Variants in RGS18 observed in about 807,000 individuals in gnomAD.
The protein encoded by RGS18 is regulator of G protein signaling 18, also known as regulator of G-protein signaling 18.
RGS18 carries 22 observed loss-of-function variants against 27.6 expected under a neutral mutation model. The ratio of observed to expected loss-of-function variants is 0.80; its 90% CI spans 0.57 to 1.14. The LOEUF is 1.14. Among genes scored for constraint, RGS18 ranks in the 50% most tolerant of loss-of-function variants. RGS18 has a pLI of 0.00. For missense variants in RGS18, 299 were observed against 269.6 expected (o/e 1.11, Z -0.76); for synonymous variants, 89 against 84.6 (o/e 1.05, Z -0.29).
At chr1:192,177,735 A>C (rs1656381173) in intron 3 of RGS18, among the ~76,000 whole-genome samples, 1 of 151,760 alleles carries the variant, frequency 6.6e-6, no homozygotes, top group Non-Finnish European at 1.5e-5. Flanking sequence ...TGGATTTAGA[A>C]TAGGAAGGGA....
intron 3 of RGS18, among the ~76,000 whole-genome samples, chr1:192,173,701 T>A (rs1444277834): frequency 6.6e-6 from 1 of 151,784 alleles, no homozygotes; most frequent in Non-Finnish European, 1.5e-5. Context: ...AATTTCCCTA[T>A]GCCATATAAA....
intron 3 of RGS18, among the ~76,000 whole-genome samples, chr1:192,161,699 T>C (rs1338716184): frequency 6.6e-6 from 1 of 152,174 alleles, no homozygotes; most frequent in Non-Finnish European, 1.5e-5. Context: ...CTACTCTAAC[T>C]ACTCCTTGTA....
intron 2 of RGS18, 68 bp downstream of exon 2, chr1:192,159,389 C>A: frequency 2.0e-6 from 2 of 1,021,376 alleles, no homozygotes; most frequent in Non-Finnish European, 3.0e-6. Flanking sequence ...AAGAAAAATG[C>A]AGTTAGGGAT....
chr1:192,172,739 C>A (rs1210166032), intron 3 of RGS18, among the ~76,000 whole-genome samples: 2 of 151,654 alleles, frequency 1.3e-5, no homozygotes, highest in Non-Finnish European at 2.9e-5. Context: ...TCTCCCCCAT[C>A]TCAACGTCCT....
At chr1:192,162,607 A>C (rs927216518) in intron 3 of RGS18, among the ~76,000 whole-genome samples, 1 of 152,124 alleles carries the variant, frequency 6.6e-6, no homozygotes. Context: ...TTTCTAAACT[A>C]TTGTTAAAAT....
intron 3 of RGS18, among the ~76,000 whole-genome samples, chr1:192,180,127 G>C (rs1402265526): frequency 6.6e-6 from 1 of 151,562 alleles, no homozygotes; most frequent in Non-Finnish European, 1.5e-5. Flanking sequence ...AAGTCACATT[G>C]TCTTAAGGTT....
In RGS18 at chr1:192,160,381, C is replaced by A. The variant is rs1656049334; in HGVS notation, c.225C>A (p.Val75=). ...RSGHLAKETR[V]SPEEAVKWGE... is the part of the protein sequence containing the mutation. ...AAACATTTTGTTTCTTGTACAGAGT[C>A]TCCCCTGAAGAGGCAGTGAAATGGG... Residue 75 remains valine, a synonymous_variant, in exon 3 of 5, where the codon GTC becomes GTA. Transcript: ENST00000367460. The A allele has an allele frequency of 6.2e-7, 1 of 1,609,182 alleles. No homozygotes were observed.
intron 3 of RGS18, among the ~76,000 whole-genome samples, chr1:192,177,716 A>G (rs1328182340): frequency 6.6e-6 from 1 of 151,758 alleles, no homozygotes; most frequent in Non-Finnish European, 1.5e-5. Flanking sequence ...GATTAATAAA[A>G]TTGCTTTATG....
Position 192,184,615 on chromosome 1 carries a change from T to G in RGS18, c.*61T>G. 6.8e-6 allele frequency: 10 copies of G among 1,468,660 alleles called. No individual in the cohort carries two copies. Among genetic ancestry groups the G allele is most frequent in the African/African-American group, 4.2e-5 (3 of 71,196 alleles). The allele number at this position is 1,468,660 out of a possible 1,614,324, so 91.0% of individuals were successfully genotyped here. A position where few individuals can be genotyped will look rare whatever the true frequency, so the allele number is the denominator to read the frequency against. ...ATACATCTGCTTCTAACATATCGCA[T>G]GTTTATGTTAAGATTTGGTCCCATC... On this transcript the variant is annotated 3_prime_UTR_variant, in exon 5 of 5. Coordinates refer to ENST00000367460, the MANE Select transcript of RGS18 (RefSeq NM_130782.3).
At chr1:192,181,573 T>C in intron 4 of RGS18, 115 bp downstream of exon 4, 1 of 690,942 alleles carries the variant, frequency 1.4e-6, no homozygotes, top group East Asian at 3.4e-5. Context: ...TCATTTATAA[T>C]TGACATGTAA....
intron 3 of RGS18, among the ~76,000 whole-genome samples, chr1:192,176,098 C>T (rs1656353604): frequency 6.6e-6 from 1 of 151,768 alleles, no homozygotes; most frequent in South Asian, 2.1e-4. Flanking sequence ...CAAAGAAGAT[C>T]CTATTTTGGG....
chr1:192,158,470 A>C lies in RGS18; in HGVS notation c.-168A>C. On this transcript the variant is annotated 5_prime_UTR_variant, in exon 1 of 5. Coordinates refer to ENST00000367460, the MANE Select transcript of RGS18 (RefSeq NM_130782.3). ...TTGTACTTCATTTCCTCAGTTCTGCATTTCTGCAGAGACAGAAAGAAACGC... is the reference window on the plus strand; with the variant it reads ...TTGTACTTCATTTCCTCAGTTCTGCCTTTCTGCAGAGACAGAAAGAAACGC... 1.9e-6 allele frequency: 1 copy of C among 521,758 alleles called. No individual in the cohort carries two copies. Among genetic ancestry groups the C allele is most frequent in the Non-Finnish European group, 3.0e-6 (1 of 335,556 alleles). 32.3% of individuals were successfully genotyped at this position (521,758 alleles called of 1,614,324 possible). A position where few individuals can be genotyped will look rare whatever the true frequency, so the allele number is the denominator to read the frequency against.
At chr1:192,177,152 A>G (rs1003449187) in intron 3 of RGS18, among the ~76,000 whole-genome samples, 9 of 151,842 alleles carry the variant, frequency 5.9e-5, no homozygotes, top group Non-Finnish European at 1.2e-4. Context: ...AAACTAGAAT[A>G]TTAATTAAAT....
chr1:192,184,244 G>A (rs763953426), intron 4 of RGS18, 53 bp from the exon 5 acceptor site: 2 of 1,524,686 alleles, frequency 1.3e-6, no homozygotes, highest in Non-Finnish European at 1.8e-6. Context: ...GTTTCTCAAA[G>A]TTGTTTATAT....
At chr1:192,173,683 T>C (rs1018439002) in intron 3 of RGS18, among the ~76,000 whole-genome samples, 2 of 151,820 alleles carry the variant, frequency 1.3e-5, no homozygotes, top group African/African-American at 4.8e-5. Flanking sequence ...TTTATTGTTT[T>C]TTTAAACAAT....
At chr1:192,174,361 G>T (rs1656320704) in intron 3 of RGS18, among the ~76,000 whole-genome samples, 1 of 151,772 alleles carries the variant, frequency 6.6e-6, no homozygotes, top group African/African-American at 2.4e-5. Flanking sequence ...GTCTAACACA[G>T]AGTTTATCTG....
chr1:192,161,051 C>T lies in RGS18; in HGVS notation c.283+612C>T, dbSNP rs1656061877. 2.6e-5 allele frequency among the ~76,000 whole-genome samples: 4 copies of T among 152,094 alleles called. No individual in the cohort carries two copies. In the South Asian group the frequency reaches 6.2e-4, roughly 24 times the overall value. On this transcript the variant is annotated intron_variant, in intron 3 of 4. Coordinates refer to ENST00000367460, the MANE Select transcript of RGS18 (RefSeq NM_130782.3). ...ATTTTTAGTAGAGACAGGGTTTCAC[C>T]GTGTTAGCCAGGATGGTCTCAATCT...
Position 192,158,521 on chromosome 1 carries a change from A to AT in RGS18, c.-115dup. On this transcript the variant is annotated 5_prime_UTR_variant, in exon 1 of 5. Coordinates refer to ENST00000367460, the MANE Select transcript of RGS18 (RefSeq NM_130782.3). ...AGCTCTTGACTTCTTTTTTGTAAACATTACTGTAAGAGTTGTGATAACTTT... is the reference window on the plus strand; with the variant it reads ...AGCTCTTGACTTCTTTTTTGTAAACATTTACTGTAAGAGTTGTGATAACTTT... 1.1e-6 allele frequency: 1 copy of AT among 910,284 alleles called. No individual in the cohort carries two copies. The highest frequency in any genetic ancestry group is 1.5e-6 in the Non-Finnish European group (1 of 670,370). 56.4% of individuals were successfully genotyped at this position (910,284 alleles called of 1,614,324 possible).
At chr1:192,164,577 A>T (rs1656131119) in intron 3 of RGS18, among the ~76,000 whole-genome samples, 1 of 152,204 alleles carries the variant, frequency 6.6e-6, no homozygotes, top group Non-Finnish European at 1.5e-5. Flanking sequence ...TAATTGCAAC[A>T]AATGTCCCAT....
Sources: gnomAD v4.1 joint callset for allele counts (sites outside exome capture counted in the v4.1 genomes callset) on GRCh38, gnomAD v4.1.1 for gene constraint, MANE v1.5 for transcripts, NCBI Gene and HGNC (gene_info 2026-07-23, HGNC 2026-07-21) for gene names.